Variants in SCHIP1 observed in about 807,000 individuals in gnomAD.
SCHIP1 encodes schwannomin-interacting protein 1.
SCHIP1 carries 8 observed loss-of-function variants against 29.7 expected under a neutral mutation model. The ratio of observed to expected loss-of-function variants is 0.27; its 90% confidence interval spans 0.16 to 0.49. The LOEUF is 0.49. SCHIP1 is among the 20% of genes least tolerant of loss of function. SCHIP1 has a pLI of 0.99. For synonymous variants in SCHIP1, 76 were observed against 94.9 expected (o/e 0.80, Z 1.16); for missense variants, 193 against 294.6 (o/e 0.66, Z 2.52).
the SCHIP1 span, among the ~76,000 whole-genome samples, chr3:159,712,890 G>A: frequency 2.6e-4 from 40 of 151,448 alleles, no homozygotes; most frequent in African/African-American, 9.2e-4. Flanking sequence ...GGCCAGGCAC[G>A]GTGGCTCATG....
At chr3:159,818,055 C>A in the SCHIP1 span, among the ~76,000 whole-genome samples, 1 of 152,204 alleles carries the variant, frequency 6.6e-6, no homozygotes, top group Admixed American at 6.5e-5. Context: ...GACAACAGCC[C>A]TCTCCACAAT....
At chr3:159,615,804 G>T in the SCHIP1 span, among the ~76,000 whole-genome samples, 1 of 152,174 alleles carries the variant, frequency 6.6e-6, no homozygotes, top group Non-Finnish European at 1.5e-5. Flanking sequence ...AAGAAAATTT[G>T]ATTACAAAAA....
chr3:159,543,048 C>T, the SCHIP1 span, among the ~76,000 whole-genome samples: 1 of 149,144 alleles, frequency 6.7e-6, no homozygotes, highest in Non-Finnish European at 1.5e-5. Flanking sequence ...TATATATACA[C>T]ACATGCATAT....
the SCHIP1 span, among the ~76,000 whole-genome samples, chr3:159,329,082 G>A: frequency 1.3e-5 from 2 of 152,078 alleles, no homozygotes; most frequent in African/African-American, 4.8e-5. Context: ...AAATGAGTGA[G>A]GTTTATCTGT....
At chr3:159,791,878 A>T in the SCHIP1 span, among the ~76,000 whole-genome samples, 1 of 152,230 alleles carries the variant, frequency 6.6e-6, no homozygotes, top group Non-Finnish European at 1.5e-5. Flanking sequence ...TGATTATTAG[A>T]AAATACTTTT....
chr3:159,689,747 C>T, the SCHIP1 span, among the ~76,000 whole-genome samples: 1 of 152,114 alleles, frequency 6.6e-6, no homozygotes, highest in Non-Finnish European at 1.5e-5. Flanking sequence ...TCATAAATAG[C>T]TCTTATTATT....
chr3:159,419,669 C>CGTTT, the SCHIP1 span, among the ~76,000 whole-genome samples: 1 of 152,040 alleles, frequency 6.6e-6, no homozygotes, highest in Non-Finnish European at 1.5e-5. Flanking sequence ...ATTAGCTAGG[C>CGTTT]GTGGTTGCAG....
At chr3:159,437,140 T>G in the SCHIP1 span, among the ~76,000 whole-genome samples, 4 of 152,162 alleles carry the variant, frequency 2.6e-5, no homozygotes, top group Admixed American at 2.6e-4. Flanking sequence ...GTATAAAGAC[T>G]TCCCTTATCA....
chr3:159,489,849 C>T, the SCHIP1 span, among the ~76,000 whole-genome samples: 201 of 152,014 alleles, frequency 1.3e-3, no homozygotes, highest in South Asian at 0.023. Flanking sequence ...TGAAACAATG[C>T]ATATGGTCTG....
At chr3:159,888,632 A>G (rs984710624) in intron 4 of SCHIP1, 188 bp from the exon 6 acceptor site, 5 of 648,220 alleles carry the variant, frequency 7.7e-6, no homozygotes, top group Non-Finnish European at 9.3e-6. Flanking sequence ...TTTTGATGCC[A>G]GTTGCATATT....
the SCHIP1 span, among the ~76,000 whole-genome samples, chr3:159,342,380 A>G: frequency 6.6e-6 from 1 of 152,208 alleles, no homozygotes. Context: ...AGAATTCAGA[A>G]TTGCTCCTGG....
the SCHIP1 span, among the ~76,000 whole-genome samples, chr3:159,657,713 T>A: frequency 6.6e-6 from 1 of 152,192 alleles, no homozygotes; most frequent in Non-Finnish European, 1.5e-5. Flanking sequence ...AACTAATTGT[T>A]AGATCCAATT....
the SCHIP1 span, among the ~76,000 whole-genome samples, chr3:159,794,740 CA>C: frequency 6.6e-6 from 1 of 152,038 alleles, no homozygotes; most frequent in African/African-American, 2.4e-5. Context: ...CTCCATGGCA[CA>C]AAAATGATTA....
the SCHIP1 span, among the ~76,000 whole-genome samples, chr3:159,828,361 TTATATA>T: frequency 9.9e-6 from 1 of 101,488 alleles, no homozygotes; most frequent in South Asian, 2.9e-4. Flanking sequence ...AGTGTAACCT[TTATATA>T]TATATATACA....
the SCHIP1 span, among the ~76,000 whole-genome samples, chr3:159,296,286 A>G: frequency 6.6e-6 from 1 of 152,190 alleles, no homozygotes; most frequent in Non-Finnish European, 1.5e-5. Context: ...CCCAGAACCT[A>G]TAGAGGGAGT....
At chr3:159,878,413 C>T (rs548128814) in intron 2 of SCHIP1, among the ~76,000 whole-genome samples, 109 of 146,544 alleles carry the variant, frequency 7.4e-4, no homozygotes, top group Non-Finnish European at 1.4e-3. Context: ...ACCCAGGAGG[C>T]GGAGGTTGCA....
chr3:159,730,694 T>A, the SCHIP1 span, among the ~76,000 whole-genome samples: 3 of 152,130 alleles, frequency 2.0e-5, no homozygotes, highest in Non-Finnish European at 4.4e-5. Context: ...GATATGAAAA[T>A]TACTAGTTGA....
At chr3:159,373,693 C>T in the SCHIP1 span, among the ~76,000 whole-genome samples, 2 of 152,062 alleles carry the variant, frequency 1.3e-5, no homozygotes, top group Admixed American at 1.3e-4. Flanking sequence ...TTTCACTTAG[C>T]AGAATGTTCT....
the SCHIP1 span, among the ~76,000 whole-genome samples, chr3:159,310,693 A>G: frequency 1.1e-4 from 17 of 152,314 alleles, no homozygotes; most frequent in South Asian, 4.1e-4. Flanking sequence ...TAAATCAGCT[A>G]TTTCAGACAG....
Sources: gnomAD v4.1 joint callset for allele counts (sites outside exome capture counted in the v4.1 genomes callset) on GRCh38, gnomAD v4.1.1 for gene constraint, MANE v1.5 for transcripts, NCBI Gene and HGNC (gene_info 2026-07-23, HGNC 2026-07-21) for gene names.